The following GULP1 variants were observed in gnomAD, a reference collection of about 807,000 sequenced individuals.
GULP1 encodes the protein GULP PTB domain containing engulfment adaptor 1, also known as PTB domain-containing engulfment adapter protein 1.
In GULP1, 19 loss-of-function variants were observed where a neutral mutation model predicts 40.9. The ratio of observed to expected loss-of-function variants is 0.46; its 90% CI spans 0.32 to 0.68. GULP1 has a LOEUF of 0.68. Ranked by LOEUF, GULP1 falls within the 30% of genes least tolerant of loss-of-function variation. The pLI is 0.03. For missense variants in GULP1, 312 were observed against 362.2 expected (o/e 0.86, Z 1.12); for synonymous variants, 119 against 117.6 (o/e 1.01, Z -0.08).
At chr2:188,389,641 G>A (rs73038502) in intron 2 of GULP1, among the ~76,000 whole-genome samples, 1 of 152,216 alleles carries the variant, frequency 6.6e-6, no homozygotes, top group Middle Eastern at 3.4e-3. Context: ...AGGTCTTGGG[G>A]TATCAGCGGT....
intron 1 of GULP1, among the ~76,000 whole-genome samples, chr2:188,315,136 G>C (rs1485070162): frequency 6.6e-6 from 1 of 152,050 alleles, no homozygotes; most frequent in East Asian, 1.9e-4. Flanking sequence ...TGAGATCCAT[G>C]GTGAAAACTA....
At chr2:188,403,394 A>T (rs935408338) in intron 2 of GULP1, among the ~76,000 whole-genome samples, 1 of 152,164 alleles carries the variant, frequency 6.6e-6, no homozygotes, top group Non-Finnish European at 1.5e-5. Flanking sequence ...ATGAAGGAAA[A>T]CAACAGTAGT....
intron 11 of GULP1, chr2:188,593,713 C>A (rs1704042306): frequency 8.8e-6 from 3 of 338,994 alleles, no homozygotes; most frequent in Non-Finnish European, 1.6e-5. Flanking sequence ...GTCTCTCATG[C>A]ATGCTAACCT....
intron 2 of GULP1, among the ~76,000 whole-genome samples, chr2:188,418,124 T>A (rs1276114426): frequency 6.6e-6 from 1 of 151,948 alleles, no homozygotes; most frequent in Non-Finnish European, 1.5e-5. Flanking sequence ...TGTTTTTATT[T>A]AAAAAAAATT....
chr2:188,302,804 A>G (rs906370630), intron 1 of GULP1, among the ~76,000 whole-genome samples: 7 of 152,104 alleles, frequency 4.6e-5, no homozygotes, highest in African/African-American at 1.4e-4. Flanking sequence ...TCTATATCTA[A>G]TGAGGGTCCT....
At chr2:188,428,184 T>A (rs182815246) in intron 2 of GULP1, among the ~76,000 whole-genome samples, 1 of 152,236 alleles carries the variant, frequency 6.6e-6, no homozygotes, top group Non-Finnish European at 1.5e-5. Context: ...AATGCCTGTA[T>A]CCCCATTATA....
In GULP1 at chr2:188,345,922, T is replaced by A. The variant is rs2043588190; in HGVS notation, c.-171-37841T>A. On this transcript the variant is annotated intron_variant, in intron 1 of 11. Coordinates refer to ENST00000409830, the MANE Select transcript of GULP1 (RefSeq NM_016315.4). ...ACTGAATGTGTCACTCTGTCTGATG[T>A]TATGGGAAGAGGACTATAAGGTCTT... is the stretch of plus-strand genomic sequence containing the variant. Among the ~76,000 whole-genome samples the A allele has an allele frequency of 2.0e-5, 3 of 152,188 alleles. No individual in the cohort carries two copies. In the South Asian group the frequency reaches 6.2e-4, roughly 32 times the overall value.
chr2:188,509,252 T>G (rs921255626), intron 4 of GULP1, among the ~76,000 whole-genome samples: 1 of 152,088 alleles, frequency 6.6e-6, no homozygotes, highest in Non-Finnish European at 1.5e-5. Flanking sequence ...CTCAATATGT[T>G]CCAGCTCAGA....
chr2:188,534,698 G>C (rs1486247121), intron 6 of GULP1, among the ~76,000 whole-genome samples: 1 of 151,858 alleles, frequency 6.6e-6, no homozygotes, highest in African/African-American at 2.4e-5. Context: ...AACAGGGAAA[G>C]GTAGTAAGAA....
intron 2 of GULP1, among the ~76,000 whole-genome samples, chr2:188,414,239 A>C (rs2054289396): frequency 6.6e-6 from 1 of 151,620 alleles, no homozygotes; most frequent in Admixed American, 6.6e-5. Context: ...AAAAAAAAGA[A>C]AAAGAAGAGA....
At chr2:188,396,309 G>A (rs1015773984) in intron 2 of GULP1, among the ~76,000 whole-genome samples, 1 of 152,234 alleles carries the variant, frequency 6.6e-6, no homozygotes, top group African/African-American at 2.4e-5. Flanking sequence ...GGAAAGATCC[G>A]AGCTGTGGTT....
chr2:188,475,266 C>T (rs2060916957), intron 2 of GULP1, among the ~76,000 whole-genome samples: 1 of 151,990 alleles, frequency 6.6e-6, no homozygotes, highest in Non-Finnish European at 1.5e-5. Flanking sequence ...TGATATATAT[C>T]GACATTTATA....
At chr2:188,483,596 A>G (rs2061605009) in intron 4 of GULP1, 104 bp downstream of exon 4, 1 of 453,626 alleles carries the variant, frequency 2.2e-6, no homozygotes, top group Non-Finnish European at 4.0e-6. Flanking sequence ...CTGGTTATTG[A>G]TTCCTGAAAA....
chr2:188,364,798 C>CAT (rs2046550064), intron 1 of GULP1, among the ~76,000 whole-genome samples: 1 of 108,710 alleles, frequency 9.2e-6, no homozygotes, highest in African/African-American at 2.7e-5. Flanking sequence ...ATATACATAT[C>CAT]ATATATACAT....
At chr2:188,401,397 T>C (rs2052272998) in intron 2 of GULP1, among the ~76,000 whole-genome samples, 1 of 152,128 alleles carries the variant, frequency 6.6e-6, no homozygotes, top group Non-Finnish European at 1.5e-5. Flanking sequence ...TGGGTGCTTT[T>C]ATTTATGTAT....
chr2:188,423,921 A>C (rs2055804444), intron 2 of GULP1, among the ~76,000 whole-genome samples: 1 of 151,868 alleles, frequency 6.6e-6, no homozygotes, highest in South Asian at 2.1e-4. Context: ...ACACACATAC[A>C]TACTAGACAT....
At chr2:188,366,963 A>G (rs1412981041) in intron 1 of GULP1, among the ~76,000 whole-genome samples, 1 of 152,196 alleles carries the variant, frequency 6.6e-6, no homozygotes, top group Admixed American at 6.5e-5. Flanking sequence ...GTATTTTGAC[A>G]TAACATTTCA....
chr2:188,373,427 T>A (rs911126706), intron 1 of GULP1, among the ~76,000 whole-genome samples: 7 of 151,978 alleles, frequency 4.6e-5, no homozygotes, highest in African/African-American at 1.7e-4. Context: ...TATACCAGCA[T>A]CCAGTTTTCA....
At chr2:188,310,481 T>C (rs2037900115) in intron 1 of GULP1, among the ~76,000 whole-genome samples, 1 of 152,208 alleles carries the variant, frequency 6.6e-6, no homozygotes, top group South Asian at 2.1e-4. Flanking sequence ...AATTGCAAGC[T>C]TGCTTGGTTG....
Sources: allele counts gnomAD v4.1 joint callset (sites outside exome capture counted in the v4.1 genomes callset), GRCh38; gene constraint gnomAD v4.1.1; transcripts MANE v1.5; gene names NCBI Gene and HGNC (gene_info 2026-07-23, HGNC 2026-07-21).